The following JAM2 variants were observed in gnomAD, a reference collection of about 807,000 sequenced individuals.
JAM2 encodes the protein junctional adhesion molecule B.
JAM2 carries 17 observed loss-of-function variants against 42.0 expected under a neutral mutation model. The observed-to-expected ratio is 0.40, with a 90% CI of 0.28 to 0.61. The LOEUF is 0.61. JAM2 is among the 20% of genes least tolerant of loss of function. JAM2 has a pLI of 0.37. For missense variants in JAM2, 319 were observed against 358.3 expected (o/e 0.89, Z 0.89); for synonymous variants, 118 against 128.6 (o/e 0.92, Z 0.56).
intron 1 of JAM2, among the ~76,000 whole-genome samples, chr21:25,683,308 G>A (rs966341263): frequency 3.9e-5 from 6 of 152,044 alleles, no homozygotes; most frequent in Non-Finnish European, 8.8e-5. Flanking sequence ...TCTATAGACC[G>A]GCTCTCAAAA....
chr21:25,642,823 C>G (rs1278999347), intron 1 of JAM2, among the ~76,000 whole-genome samples: 2 of 152,196 alleles, frequency 1.3e-5, no homozygotes, highest in African/African-American at 4.8e-5. Flanking sequence ...ATTCAGGCTG[C>G]TGTAACAAAA....
chr21:25,700,735 C>A (rs996989229), intron 5 of JAM2, among the ~76,000 whole-genome samples: 2 of 152,172 alleles, frequency 1.3e-5, no homozygotes, highest in African/African-American at 2.4e-5. Flanking sequence ...CATTTACAAA[C>A]AGATCTTCTG....
Position 25,709,466 on chromosome 21 carries a change from A to G in JAM2, c.821+17A>G, listed in dbSNP as rs1568920891. On this transcript the variant is annotated intron_variant, in intron 8 of 9. Coordinates refer to ENST00000480456, the MANE Select transcript of JAM2 (RefSeq NM_021219.4). The stretch of plus-strand genomic sequence containing the variant: ...CTCCTTCCAGTAAGTATACTTTCCT[A>G]CAATGCATGTCTTTCTCCTATGTCA... 5 of 1,446,958 alleles carry G rather than the reference A, an allele frequency of 3.5e-6. No individual in the cohort carries two copies. Among genetic ancestry groups the G allele is most frequent in the Middle Eastern group, 1.8e-4 (1 of 5,598 alleles). The allele number at this position is 1,446,958 out of a possible 1,614,324, so 89.6% of individuals were successfully genotyped here.
intron 1 of JAM2, among the ~76,000 whole-genome samples, chr21:25,655,397 T>C (rs1248816044): frequency 6.7e-6 from 1 of 150,210 alleles, no homozygotes; most frequent in Non-Finnish European, 1.5e-5. Flanking sequence ...TGGTCTTTTT[T>C]GTATGCTCCA....
chr21:25,699,821 A>G (rs965286883), intron 5 of JAM2, among the ~76,000 whole-genome samples: 2 of 151,056 alleles, frequency 1.3e-5, no homozygotes, highest in Non-Finnish European at 2.9e-5. Flanking sequence ...ATGATGAATC[A>G]GGCAGTTATC....
chr21:25,674,663 C>T (rs73334064), intron 1 of JAM2, among the ~76,000 whole-genome samples: 22,717 of 151,702 alleles, frequency 0.15, 1,796 homozygotes, highest in East Asian at 0.21. Flanking sequence ...GTGTGGCTTC[C>T]CTTTCTCTGA....
intron 1 of JAM2, among the ~76,000 whole-genome samples, chr21:25,665,950 G>A (rs1438376429): frequency 2.0e-5 from 3 of 152,074 alleles, no homozygotes; most frequent in Non-Finnish European, 2.9e-5. Flanking sequence ...TGAGGCAGGA[G>A]AATCGCTTGA....
intron 1 of JAM2, among the ~76,000 whole-genome samples, chr21:25,673,372 T>C (rs939607000): frequency 1.3e-5 from 2 of 152,248 alleles, no homozygotes; most frequent in South Asian, 2.1e-4. Context: ...AAAATAACTT[T>C]ATCCTCAATT....
intron 1 of JAM2, among the ~76,000 whole-genome samples, chr21:25,659,988 G>T (rs1365767339): frequency 6.6e-6 from 1 of 152,084 alleles, no homozygotes; most frequent in Non-Finnish European, 1.5e-5. Context: ...GCGGATCTCG[G>T]CTCACTGCAA....
At chr21:25,695,752 G>A (rs184242703) in intron 4 of JAM2, among the ~76,000 whole-genome samples, 21,169 of 150,046 alleles carry the variant, frequency 0.14, 1,532 homozygotes, top group East Asian at 0.2. Flanking sequence ...CTTCTCAGAC[G>A]GGGTGGCCGG....
At chr21:25,711,612 G>T (rs1448828694) in intron 8 of JAM2, 1 of 315,166 alleles carries the variant, frequency 3.2e-6, no homozygotes. Context: ...AGATTATCAA[G>T]AATTAGCAGT....
At chr21:25,702,406 C>G in intron 6 of JAM2, 137 bp downstream of exon 6, 1 of 495,978 alleles carries the variant, frequency 2.0e-6, no homozygotes, top group Non-Finnish European at 3.6e-6. Flanking sequence ...CTAAAATTAA[C>G]TTGATATGAT....
chr21:25,670,859 A>G (rs2033343923), intron 1 of JAM2, among the ~76,000 whole-genome samples: 1 of 152,246 alleles, frequency 6.6e-6, no homozygotes, highest in African/African-American at 2.4e-5. Flanking sequence ...TCTGCACTTC[A>G]AAATAAATGG....
chr21:25,671,709 A>G (rs1039477330), intron 1 of JAM2, among the ~76,000 whole-genome samples: 12 of 152,134 alleles, frequency 7.9e-5, no homozygotes, highest in Admixed American at 4.6e-4. Context: ...GGGTTTCACC[A>G]TGTTGGCCAG....
At chr21:25,675,161 A>G (rs568719183) in intron 1 of JAM2, among the ~76,000 whole-genome samples, 43 of 152,218 alleles carry the variant, frequency 2.8e-4, no homozygotes, top group African/African-American at 1.0e-3. Context: ...CAGGCATCTC[A>G]CATGGTGTGA....
At chr21:25,668,109 G>A (rs570741536) in intron 1 of JAM2, among the ~76,000 whole-genome samples, 2 of 152,192 alleles carry the variant, frequency 1.3e-5, no homozygotes, top group Non-Finnish European at 2.9e-5. Flanking sequence ...TGGCCTGATT[G>A]AGGATGAACA....
chr21:25,649,571 A>T (rs1056419895), intron 1 of JAM2, among the ~76,000 whole-genome samples: 15 of 152,178 alleles, frequency 9.9e-5, no homozygotes, highest in African/African-American at 3.6e-4. Context: ...TTGGGTGGCG[A>T]CACAACCAAA....
chr21:25,653,144 C>G (rs1449219908), intron 1 of JAM2, among the ~76,000 whole-genome samples: 1 of 152,128 alleles, frequency 6.6e-6, no homozygotes, highest in African/African-American at 2.4e-5. Context: ...AAACGTGGAA[C>G]TGGGATGGAG....
In JAM2 at chr21:25,683,903, T is replaced by G; in HGVS notation, c.88T>G (p.Ser30Ala). Residue 30 changes from serine (S) to alanine (A), a missense_variant, in exon 2 of 10, where the codon TCT becomes GCT. Coordinates refer to ENST00000480456, the MANE Select transcript of JAM2 (RefSeq NM_021219.4). ...TTCAGATCATAAGGCCTATGGGTTTTCTGCCCCAAAAGACCAACAAGTAGT... is the reference window on the plus strand; with the variant it reads ...TTCAGATCATAAGGCCTATGGGTTTGCTGCCCCAAAAGACCAACAAGTAGT... ...ALGYHKAYGFSAPKDQQVVTA... is the reference protein window; with the variant it reads ...ALGYHKAYGFAAPKDQQVVTA... 1 of 1,608,944 alleles carries G rather than the reference T, an allele frequency of 6.2e-7. No individual in the cohort carries two copies. The highest frequency in any genetic ancestry group is 8.5e-7 in the Non-Finnish European group (1 of 1,175,756).
Sources: allele counts gnomAD v4.1 joint callset (sites outside exome capture counted in the v4.1 genomes callset), GRCh38; gene constraint gnomAD v4.1.1; transcripts MANE v1.5; gene names NCBI Gene and HGNC (gene_info 2026-07-23, HGNC 2026-07-21).